DAB1: variants seen among roughly 807,000 people sequenced by gnomAD.
The protein encoded by DAB1 is DAB adaptor protein 1, also known as disabled homolog 1.
A neutral mutation model predicts 64.6 loss-of-function variants in DAB1; 15 were observed. The observed-to-expected ratio is 0.23, with a 90% CI of 0.16 to 0.36. The LOEUF (loss-of-function observed/expected upper bound fraction) is 0.36, where lower values mean the gene tolerates loss of function less well. DAB1 is among the 10% of genes least tolerant of loss of function. The probability of loss-of-function intolerance (pLI) is 1.00; values close to 1 mark genes in which losing one functional copy is unlikely to be tolerated. For missense variants in DAB1, 596 were observed against 706.7 expected, an observed-to-expected ratio of 0.84 and a Z score of 1.78; for synonymous variants, 235 against 251.9, an observed-to-expected ratio of 0.93 and a Z score of 0.64.
At chr1:57,106,642 C>T (rs1655185674) in intron 4 of DAB1, among the ~76,000 whole-genome samples, 1 of 152,124 alleles carries the variant, frequency 6.6e-6, no homozygotes. Flanking sequence ...TATGAAAATG[C>T]TTGAGAAATA....
intron 5 of DAB1, among the ~76,000 whole-genome samples, chr1:57,969,997 T>G (rs1645759076): frequency 6.6e-6 from 1 of 152,062 alleles, no homozygotes; most frequent in Non-Finnish European, 1.5e-5. Context: ...TTCACGCCCT[T>G]AATGGGAATC....
At chr1:57,805,508 A>G (rs1403487114) in intron 6 of DAB1, among the ~76,000 whole-genome samples, 1 of 152,116 alleles carries the variant, frequency 6.6e-6, no homozygotes, top group Non-Finnish European at 1.5e-5. Flanking sequence ...ATAAACTTTT[A>G]TTTTGCATAG....
intron 5 of DAB1, among the ~76,000 whole-genome samples, chr1:58,019,418 C>G (rs568714012): frequency 2.4e-4 from 36 of 152,218 alleles, no homozygotes; most frequent in African/African-American, 8.4e-4. Context: ...ATCCATTTTT[C>G]AACCTCAGAA....
intron 2 of DAB1, among the ~76,000 whole-genome samples, chr1:57,182,117 C>T (rs1005444384): frequency 5.3e-5 from 8 of 152,132 alleles, no homozygotes; most frequent in African/African-American, 1.7e-4. Flanking sequence ...GATCTCCTGA[C>T]CTTGTGATCT....
rs1017564581 is a variant in DAB1 at position 57,914,828 on chromosome 1, G to T, written n.388-30666C>A. ...TGACATAAATGATTCCCAAAGTATGGTCTATGAACTGCATGCCTCAAAATT... is the reference window on the plus strand; with the variant it reads ...TGACATAAATGATTCCCAAAGTATGTTCTATGAACTGCATGCCTCAAAATT... On this transcript the variant is annotated intron_variant and non_coding_transcript_variant, in intron 5 of 20. Coordinates refer to the DAB1 transcript ENST00000485760. Among the ~76,000 whole-genome samples, 9 of 152,166 alleles carry T rather than the reference G, an allele frequency of 5.9e-5. No homozygotes were observed. The East Asian group carries it at 1.7e-3, about 29-fold the overall frequency.
intron 6 of DAB1, among the ~76,000 whole-genome samples, chr1:57,743,160 A>G (rs954485582): frequency 1.3e-5 from 2 of 152,188 alleles, no homozygotes; most frequent in Non-Finnish European, 2.9e-5. Flanking sequence ...AAGCCAAGCC[A>G]TCGCATCCCC....
chr1:57,229,718 G>C (rs573930288), intron 2 of DAB1, among the ~76,000 whole-genome samples: 6 of 152,262 alleles, frequency 3.9e-5, no homozygotes, highest in African/African-American at 1.4e-4. Flanking sequence ...GCCATCTGTA[G>C]GACTATATGG....
intron 2 of DAB1, among the ~76,000 whole-genome samples, chr1:57,152,494 T>C (rs1410768132): frequency 6.6e-6 from 1 of 152,176 alleles, no homozygotes; most frequent in African/African-American, 2.4e-5. Context: ...TAGAGTTGCC[T>C]GGAAACCAAG....
chr1:57,739,138 T>C (rs942617799), intron 6 of DAB1, among the ~76,000 whole-genome samples: 7 of 152,152 alleles, frequency 4.6e-5, no homozygotes, highest in Admixed American at 4.6e-4. Context: ...AGATGGATAA[T>C]AAACACACAA....
intron 1 of DAB1, among the ~76,000 whole-genome samples, chr1:57,310,412 T>C (rs955102401): frequency 6.6e-6 from 1 of 152,074 alleles, no homozygotes; most frequent in Non-Finnish European, 1.5e-5. Flanking sequence ...GATACTAGTA[T>C]GGGACACAGA....
At chr1:57,810,742 C>T (rs896782265) in intron 6 of DAB1, among the ~76,000 whole-genome samples, 1 of 152,228 alleles carries the variant, frequency 6.6e-6, no homozygotes, top group African/African-American at 2.4e-5. Context: ...AGTAGGACTT[C>T]TCATACTGAA....
At chr1:58,060,619 C>A (rs1245832981) in intron 5 of DAB1, among the ~76,000 whole-genome samples, 2 of 152,180 alleles carry the variant, frequency 1.3e-5, no homozygotes, top group East Asian at 1.9e-4. Flanking sequence ...CCTTTCTGCA[C>A]CCTCTGTGGG....
intron 6 of DAB1, among the ~76,000 whole-genome samples, chr1:57,807,520 G>T (rs527521480): frequency 1.3e-5 from 2 of 152,046 alleles, no homozygotes; most frequent in Non-Finnish European, 2.9e-5. Context: ...AACCTGTTTC[G>T]CAGCAATAGA....
At chr1:57,543,303 T>C (rs1644823376) in intron 7 of DAB1, among the ~76,000 whole-genome samples, 1 of 152,212 alleles carries the variant, frequency 6.6e-6, no homozygotes, top group Non-Finnish European at 1.5e-5. Context: ...GGTTTTGCTC[T>C]TCAGTCTGTC....
intron 4 of DAB1, among the ~76,000 whole-genome samples, chr1:58,222,397 G>C (rs1659222865): frequency 6.6e-6 from 1 of 152,290 alleles, no homozygotes. Flanking sequence ...CAAGCCTGGG[G>C]CTTGTTTAAC....
chr1:57,226,811 T>C (rs1667303776), intron 2 of DAB1, among the ~76,000 whole-genome samples: 1 of 151,800 alleles, frequency 6.6e-6, no homozygotes, highest in African/African-American at 2.4e-5. Context: ...GATTTAAACC[T>C]GACGCCATTT....
At chr1:57,884,193 G>A (rs949391282), upstream of DAB1, 4 of 152,320 alleles carry the variant, frequency 2.6e-5, no homozygotes, top group African/African-American at 9.7e-5. Context: ...CAATTTTGAA[G>A]GCAAACCAAA....
chr1:57,469,774 AT>A (rs1687078552), intron 7 of DAB1, among the ~76,000 whole-genome samples: 1 of 152,222 alleles, frequency 6.6e-6, no homozygotes, highest in East Asian at 1.9e-4. Context: ...AGTATCTTCT[AT>A]GAGTTATTTT....
intron 7 of DAB1, among the ~76,000 whole-genome samples, chr1:57,493,537 T>C (rs970193977): frequency 2.0e-5 from 3 of 152,216 alleles, no homozygotes; most frequent in Non-Finnish European, 2.9e-5. Flanking sequence ...CGCTGATCCA[T>C]AGATGAATAC....
Sources: allele counts gnomAD v4.1 joint callset (sites outside exome capture counted in the v4.1 genomes callset), GRCh38; gene constraint gnomAD v4.1.1; transcripts MANE v1.5; gene names NCBI Gene and HGNC (gene_info 2026-07-23, HGNC 2026-07-21).